RGSL1: variants seen among roughly 807,000 people sequenced by gnomAD.
RGSL1 encodes regulator of G protein signaling like 1, also known as regulator of G protein signaling protein-like.
RGSL1 carries 97 observed loss-of-function variants against 124.7 expected under a neutral mutation model. The ratio of observed to expected loss-of-function variants is 0.78; its 90% CI spans 0.66 to 0.92. RGSL1 has a LOEUF of 0.92. RGSL1 is among the 40% of genes least tolerant of loss of function. The pLI is 0.00. For missense variants in RGSL1, 1,233 were observed against 1,288.4 expected, an observed-to-expected ratio of 0.96 and a Z score of 0.66; for synonymous variants, 424 against 438.1, an observed-to-expected ratio of 0.97 and a Z score of 0.40.
intron 6 of RGSL1, among the ~76,000 whole-genome samples, chr1:182,481,037 C>T (rs1027591284): frequency 6.6e-6 from 1 of 151,958 alleles, no homozygotes; most frequent in Non-Finnish European, 1.5e-5. Context: ...TAACTTTACA[C>T]CTCACAGAAC....
In RGSL1 at chr1:182,530,312, A is replaced by G. The variant is rs1426028340; in HGVS notation, c.2194A>G (p.Thr732Ala). Residue 732 changes from threonine (T) to alanine (A), a missense_variant, in exon 12 of 22, where the codon ACA becomes GCA. By Grantham distance (58) the Thr-to-Ala change is moderately conservative. Coordinates refer to ENST00000294854, the MANE Select transcript of RGSL1 (RefSeq NM_001137669.2). The part of the protein sequence containing the change: ...IASMRHVTTS[T>A]LLTLQGHVMK... ...TTCCATGCGTCATGTCACCACAAGC[A>G]CACTGTTAACGCTCCAGGGACATGT... 1 of 1,551,136 alleles carries G rather than the reference A, an allele frequency of 6.4e-7. No individual in the cohort carries two copies. Among genetic ancestry groups the G allele is most frequent in the East Asian group, 2.4e-5 (1 of 40,912 alleles).
At chr1:182,493,236 A>G (rs1385246021) in intron 9 of RGSL1, 107 bp downstream of exon 9, 13 of 762,674 alleles carry the variant, frequency 1.7e-5, no homozygotes, top group Non-Finnish European at 8.6e-6. Context: ...AAGAGGAACC[A>G]TGCTCTGTTG....
intron 4 of RGSL1, among the ~76,000 whole-genome samples, chr1:182,465,870 G>C (rs566370010): frequency 6.6e-6 from 1 of 152,162 alleles, no homozygotes; most frequent in East Asian, 1.9e-4. Flanking sequence ...GAAAAGAAAA[G>C]TATAGGCCAA....
intron 9 of RGSL1, among the ~76,000 whole-genome samples, chr1:182,517,618 A>G (rs1379945348): frequency 6.6e-6 from 1 of 151,978 alleles, no homozygotes; most frequent in Non-Finnish European, 1.5e-5. Flanking sequence ...ACTGTCTTCA[A>G]GCTCACTGGT....
At chr1:182,522,971 AG>A (rs1658459045) in intron 10 of RGSL1, among the ~76,000 whole-genome samples, 1 of 152,136 alleles carries the variant, frequency 6.6e-6, no homozygotes. Flanking sequence ...TACATTTGCT[AG>A]TCAAAATCTC....
At chr1:182,461,663 A>G (rs76621689) in intron 4 of RGSL1, among the ~76,000 whole-genome samples, 4,241 of 152,214 alleles carry the variant, frequency 0.028, 73 homozygotes, top group Middle Eastern at 0.058. Flanking sequence ...ACAGAGAAAA[A>G]CCTTAAAAAA....
intron 6 of RGSL1, among the ~76,000 whole-genome samples, chr1:182,475,714 C>A (rs1024302037): frequency 3.0e-5 from 4 of 134,342 alleles, no homozygotes; most frequent in South Asian, 3.1e-4. Flanking sequence ...GCCAGGACAC[C>A]TCATCTGATA....
intron 14 of RGSL1, among the ~76,000 whole-genome samples, chr1:182,533,997 G>A (rs747160223): frequency 1.5e-4 from 23 of 152,228 alleles, no homozygotes; most frequent in Non-Finnish European, 2.9e-4. Flanking sequence ...AGTTGGACTA[G>A]AGATTAATGA....
At chr1:182,508,300 T>G (rs1294827923) in intron 9 of RGSL1, among the ~76,000 whole-genome samples, 1 of 137,626 alleles carries the variant, frequency 7.3e-6, no homozygotes, top group Non-Finnish European at 1.6e-5. Context: ...GTTTTTTTTT[T>G]TTTTTTTTTT....
In RGSL1 at chr1:182,540,437, C is replaced by T; in HGVS notation, c.2669+16C>T. ...AAATGGAGAAGTAAGTTTTCCACTT[C>T]TCCTTCTTCTGCCCTGAAAATGACT... On this transcript the variant is annotated intron_variant, in intron 15 of 21. Coordinates refer to ENST00000294854, the MANE Select transcript of RGSL1 (RefSeq NM_001137669.2). 5 of 1,545,848 alleles carry T rather than the reference C, an allele frequency of 3.2e-6. No homozygotes were observed. The highest frequency in any genetic ancestry group is 1.4e-5 in the African/African-American group (1 of 72,986).
intron 18 of RGSL1, among the ~76,000 whole-genome samples, chr1:182,551,576 GACA>G (rs1266591540): frequency 1.3e-5 from 2 of 152,066 alleles, no homozygotes; most frequent in East Asian, 1.9e-4. Context: ...AGCGTTAAGT[GACA>G]ACATTAAAAA....
intron 6 of RGSL1, among the ~76,000 whole-genome samples, chr1:182,486,195 C>G (rs267872): frequency 6.6e-6 from 1 of 151,744 alleles, no homozygotes. Context: ...ATTTATTATT[C>G]ATGACTATTA....
At chr1:182,489,721 G>A (rs895004144) in intron 8 of RGSL1, among the ~76,000 whole-genome samples, 5 of 152,148 alleles carry the variant, frequency 3.3e-5, no homozygotes, top group African/African-American at 4.8e-5. Flanking sequence ...GGTTACACCC[G>A]TGCTCTCCTA....
At chr1:182,471,929 G>A (rs892793018) in intron 4 of RGSL1, among the ~76,000 whole-genome samples, 2 of 152,118 alleles carry the variant, frequency 1.3e-5, no homozygotes, top group African/African-American at 4.8e-5. Flanking sequence ...AGAACTAGAT[G>A]GACTACATCT....
At chr1:182,511,731 G>A (rs1210786095) in intron 9 of RGSL1, among the ~76,000 whole-genome samples, 1 of 152,022 alleles carries the variant, frequency 6.6e-6, no homozygotes, top group Non-Finnish European at 1.5e-5. Context: ...CTATTTGGGG[G>A]TCTTTTGTGA....
At chr1:182,534,826 CAA>C (rs545839667) in intron 14 of RGSL1, among the ~76,000 whole-genome samples, 6 of 132,398 alleles carry the variant, frequency 4.5e-5, no homozygotes, top group South Asian at 2.4e-4. Context: ...GACTCCATCT[CAA>C]AAAAAAAAAA....
At chr1:182,540,220 T>G in intron 14 of RGSL1, 27 bp from the exon 15 acceptor site, 1 of 1,520,368 alleles carries the variant, frequency 6.6e-7, no homozygotes, top group Non-Finnish European at 8.8e-7. Context: ...CAAACAAAAT[T>G]GTAATTCCTT....
chr1:182,550,968 GAT>G, intron 17 of RGSL1, 130 bp from the exon 18 acceptor site: 2 of 643,618 alleles, frequency 3.1e-6, no homozygotes, highest in South Asian at 3.8e-5. Context: ...CCAAGGCCAG[GAT>G]GCTTTCCTCT....
rs372316000 is a variant in RGSL1, at chr1:182,518,281, A to G, written c.1826-3723A>G. Among the ~76,000 whole-genome samples, 3 of 152,156 alleles carry G rather than the reference A, an allele frequency of 2.0e-5. No individual in the cohort carries two copies. The East Asian group carries it at 5.8e-4, about 29-fold the overall frequency. On this transcript the variant is annotated intron_variant, in intron 9 of 21. Transcript: ENST00000294854. ...AGGTCACAGCCTCCTTTTCAGCTCT[A>G]GGAGGTACCTAAACCTCAGAATTGC...
Sources: allele counts gnomAD v4.1 joint callset (sites outside exome capture counted in the v4.1 genomes callset), GRCh38; gene constraint gnomAD v4.1.1; transcripts MANE v1.5; gene names NCBI Gene and HGNC (gene_info 2026-07-23, HGNC 2026-07-21).